The following SLC37A1 variants were observed in gnomAD, a reference collection of about 807,000 sequenced individuals.
SLC37A1 encodes the protein solute carrier family 37 member 1.
In SLC37A1, 49 loss-of-function variants were observed where a neutral mutation model predicts 75.3. The ratio of observed to expected loss-of-function variants is 0.65; its 90% CI spans 0.52 to 0.83. SLC37A1 has a LOEUF of 0.83. SLC37A1 is among the 40% of genes least tolerant of loss of function. The pLI is 0.00. For synonymous variants in SLC37A1, 268 were observed against 292.1 expected, an observed-to-expected ratio of 0.92 and a Z score of 0.84; for missense variants, 566 against 695.0, an observed-to-expected ratio of 0.81 and a Z score of 2.09.
chr21:42,563,497 C>T (rs2055889243), intron 12 of SLC37A1, among the ~76,000 whole-genome samples: 1 of 130,226 alleles, frequency 7.7e-6, no homozygotes, highest in Non-Finnish European at 1.7e-5. Flanking sequence ...GATGATCGAG[C>T]ATCCAGGCGC....
At chr21:42,519,864 AACTT>A (rs1161469841) in intron 2 of SLC37A1, among the ~76,000 whole-genome samples, 1 of 152,216 alleles carries the variant, frequency 6.6e-6, no homozygotes, top group South Asian at 2.1e-4. Flanking sequence ...AAACTCACGT[AACTT>A]ACTAACATCT....
At chr21:42,528,238 C>A (rs2054850707) in intron 3 of SLC37A1, among the ~76,000 whole-genome samples, 1 of 152,154 alleles carries the variant, frequency 6.6e-6, no homozygotes, top group Non-Finnish European at 1.5e-5. Context: ...AAAACCAGGG[C>A]TGGGAGGATA....
In SLC37A1 at chr21:42,552,645, A is replaced by C. The variant is rs535785401; in HGVS notation, c.769-1417A>C. Among the ~76,000 whole-genome samples the C allele has an allele frequency of 6.6e-6, 1 of 152,248 alleles. No homozygotes were observed. The highest frequency in any genetic ancestry group is 1.5e-5 in the Non-Finnish European group (1 of 68,044). On this transcript the variant is annotated intron_variant, in intron 9 of 19. Coordinates refer to ENST00000352133, the MANE Select transcript of SLC37A1 (RefSeq NM_001320537.2). This position sits in a 1 kb window ranked among gnomAD's most constrained non-coding sequence, Gnocchi z 4.2. ...ATCTGTATTCCAGCCAGCAGGAAGGAGGGAAAGGACATTAGGGACAGGCCC... is the reference window on the plus strand; with the variant it reads ...ATCTGTATTCCAGCCAGCAGGAAGGCGGGAAAGGACATTAGGGACAGGCCC...
Position 42,527,307 on chromosome 21 carries a change from G to A in SLC37A1, c.138+1450G>A, listed in dbSNP as rs376988800. Reference sequence around the variant, plus strand: ...AGGCCACAGCTGTTGGGGTCCACCTGATGACTATGAGGGCCCCTGTGAGCC... The same window carrying A: ...AGGCCACAGCTGTTGGGGTCCACCTAATGACTATGAGGGCCCCTGTGAGCC... On this transcript the variant is annotated intron_variant, in intron 3 of 19. Coordinates refer to ENST00000352133, the MANE Select transcript of SLC37A1 (RefSeq NM_001320537.2). Among the ~76,000 whole-genome samples, 15 of 152,246 alleles carry A rather than the reference G, an allele frequency of 9.9e-5. 4 individuals are homozygous for A. Among genetic ancestry groups the A allele is most frequent in the East Asian group, 1.9e-4 (1 of 5,186 alleles).
chr21:42,563,966 TC>T, intron 13 of SLC37A1, 89 bp downstream of exon 13: 3 of 1,470,064 alleles, frequency 2.0e-6, no homozygotes, highest in Non-Finnish European at 2.8e-6. Context: ...GGAACAGGGT[TC>T]CCCAAGGTCT....
upstream of SLC37A1, among the ~76,000 whole-genome samples, chr21:42,509,988 T>C (rs1264869947): frequency 6.6e-6 from 1 of 152,238 alleles, no homozygotes; most frequent in African/African-American, 2.4e-5. This position sits in a 1 kb window ranked among gnomAD's most constrained non-coding sequence, Gnocchi z 4.2. Flanking sequence ...TCTGGGAGAA[T>C]GTCTGCTCCT....
At position 42,543,340 on chromosome 21, in the gene SLC37A1, G is replaced by A. The variant is rs150874085; in HGVS notation, c.564-96G>A. 135 of 1,431,378 alleles carry A rather than the reference G, an allele frequency of 9.4e-5. No individual in the cohort carries two copies. The African/African-American group carries it at 1.2e-3, about 13-fold the overall frequency. The allele number at this position is 1,431,378 out of a possible 1,614,324, so 88.7% of individuals were successfully genotyped here. ...CATGGCCCCCCGTTGATTCTGCGCC[G>A]ACTCCCTACTTTGCAGGCACTGCTG... On this transcript the variant is annotated intron_variant, in intron 7 of 19. Coordinates refer to ENST00000352133, the MANE Select transcript of SLC37A1 (RefSeq NM_001320537.2).
chr21:42,533,098 G>T (rs377229547), intron 3 of SLC37A1, among the ~76,000 whole-genome samples: 1 of 150,352 alleles, frequency 6.7e-6, no homozygotes, highest in South Asian at 2.1e-4. Context: ...CTCCTGAAGA[G>T]GGGGGGCAGG....
intron 8 of SLC37A1, 38 bp downstream of exon 8, chr21:42,543,640 A>T (rs373927154): frequency 6.5e-7 from 1 of 1,545,878 alleles, no homozygotes. Context: ...CCACCAAGGG[A>T]GGCCTCGGAT....
At chr21:42,576,411 T>TG (rs36092636) in intron 18 of SLC37A1, among the ~76,000 whole-genome samples, 2 of 14,508 alleles carry the variant, frequency 1.4e-4, no homozygotes, top group African/African-American at 2.8e-4. Context: ...CCTTAGGCAG[T>TG]AATACAGAAG....
Position 42,526,085 on chromosome 21 carries a change from T to C in SLC37A1, c.138+228T>C, listed in dbSNP as rs2054783216. The stretch of plus-strand genomic sequence containing the variant: ...GGTAGTAGACTTTTAGTTTTATTAG[T>C]TGACATTTCCAGAATTTGAAAGCTT... On this transcript the variant is annotated intron_variant, in intron 3 of 19. Transcript: ENST00000352133. 8.6e-6 allele frequency: 4 copies of C among 466,010 alleles called. No individual in the cohort carries two copies. In the Admixed American group the frequency reaches 1.2e-4, roughly 13 times the overall value. 28.9% of individuals were successfully genotyped at this position (466,010 alleles called of 1,614,324 possible).
chr21:42,568,282 G>T (rs545381247), intron 16 of SLC37A1, 78 bp from the exon 17 acceptor site: 17 of 1,155,130 alleles, frequency 1.5e-5, no homozygotes, highest in South Asian at 1.4e-4. Flanking sequence ...AGCAGTTTGA[G>T]TAAATGGTCA....
rs145048802 is a variant in SLC37A1, at chr21:42,548,442, G to A, written c.768+1302G>A. Among the ~76,000 whole-genome samples, 464 of 152,058 alleles carry A rather than the reference G, an allele frequency of 3.1e-3. No homozygotes were observed. Among genetic ancestry groups the A allele is most frequent in the Non-Finnish European group, 5.2e-3 (350 of 67,950 alleles). ...TCCACCCTGTGGACAGGCCAGACCC[G>A]AGGAGCCAGCCCAACACCCCCTCCC... On this transcript the variant is annotated intron_variant, in intron 9 of 19. Coordinates refer to ENST00000352133, the MANE Select transcript of SLC37A1 (RefSeq NM_001320537.2). The surrounding 1 kb of genome is among the most constrained non-coding windows in gnomAD (Gnocchi z 5.6).
intron 5 of SLC37A1, among the ~76,000 whole-genome samples, chr21:42,538,184 C>A (rs1012393570): frequency 1.3e-5 from 2 of 152,218 alleles, no homozygotes; most frequent in African/African-American, 2.4e-5. Flanking sequence ...GTGACCTGGG[C>A]AGGTCAGCCA....
chr21:42,539,720 T>G, intron 6 of SLC37A1, 73 bp downstream of exon 6: 2 of 1,460,714 alleles, frequency 1.4e-6, no homozygotes, highest in Non-Finnish European at 1.8e-6. Context: ...TTATGTCACG[T>G]CACCTCTGTC....
chr21:42,536,361 C>T (rs75453593), intron 5 of SLC37A1, among the ~76,000 whole-genome samples: 2,268 of 152,276 alleles, frequency 0.015, 56 homozygotes, highest in African/African-American at 0.051. Flanking sequence ...TGCTGCCAGC[C>T]CAGCCCATTC....
At chr21:42,557,000 C>T (rs2055707273) in intron 10 of SLC37A1, among the ~76,000 whole-genome samples, 1 of 152,184 alleles carries the variant, frequency 6.6e-6, no homozygotes, top group Non-Finnish European at 1.5e-5. Context: ...TTAAACCAGC[C>T]CAGCAAGTGG....
chr21:42,546,629 C>A (rs1296319517), intron 8 of SLC37A1, among the ~76,000 whole-genome samples: 2 of 152,184 alleles, frequency 1.3e-5, no homozygotes, highest in East Asian at 3.9e-4. Flanking sequence ...TCTGCCATAC[C>A]CCCCTTGCAC....
Position 42,552,258 on chromosome 21 carries a change from G to C in SLC37A1, c.769-1804G>C, listed in dbSNP as rs143027094. On this transcript the variant is annotated intron_variant, in intron 9 of 19. Coordinates refer to ENST00000352133, the MANE Select transcript of SLC37A1 (RefSeq NM_001320537.2). This position sits in a 1 kb window ranked among gnomAD's most constrained non-coding sequence, Gnocchi z 4.2. ...AGGACCTCATTGGGTCCAAAACCCT[G>C]TATCAGTTGTGTCAAAATTAATGTT... Among the ~76,000 whole-genome samples, 81 of 152,288 alleles carry C rather than the reference G, an allele frequency of 5.3e-4. No homozygotes were observed. In the East Asian group the frequency reaches 0.01, roughly 19 times the overall value.
Sources: gnomAD v4.1 joint callset for allele counts (sites outside exome capture counted in the v4.1 genomes callset) on GRCh38, gnomAD v4.1.1 for gene constraint, Gnocchi (gnomAD v3.1) non-coding constraint, MANE v1.5 for transcripts, NCBI Gene and HGNC (gene_info 2026-07-23, HGNC 2026-07-21) for gene names.